PKHD1L1: variants seen among roughly 807,000 people sequenced by gnomAD.
PKHD1L1 encodes PKHD1 like 1, also known as fibrocystin-L.
A neutral mutation model predicts 462.9 loss-of-function variants in PKHD1L1; 434 were observed. That is an observed-to-expected ratio of 0.94 (90% CI 0.87 to 1.02). PKHD1L1 has a LOEUF of 1.02. Ranked by LOEUF, PKHD1L1 falls within the 50% of genes least tolerant of loss-of-function variation. The pLI is 0.00. For synonymous variants in PKHD1L1, 1,781 were observed against 1,750.0 expected, an observed-to-expected ratio of 1.02 and a Z score of -0.44; for missense variants, 5,202 against 5,096.1, an observed-to-expected ratio of 1.02 and a Z score of -0.63.
rs750142520 is a variant in PKHD1L1 at position 109,476,687 on chromosome 8, A to G, written c.8917+20A>G. 1.3e-6 allele frequency: 2 copies of G among 1,568,540 alleles called. No individual in the cohort carries two copies. Among genetic ancestry groups the G allele is most frequent in the Non-Finnish European group, 1.7e-6 (2 of 1,159,010 alleles). ...ACTTGGGTATGTGTCATTAGGCAGA[A>G]ATGATAGTTTATCTAATGCTTTGTC... On this transcript the variant is annotated intron_variant, in intron 52 of 77. Transcript: ENST00000378402.
Position 109,464,285 on chromosome 8 carries a change from C to T in PKHD1L1, c.7453C>T (p.Gln2485Ter). ...PIHWHLLGDL[Q>*]FKSYVRGCAI... ...ACATTGGCACCTGCTTGGAGACTTA[C>T]AGTTTAAATCTTATGTAAGAGGCTG... The change falls in exon 49 of 78, where the codon CAG (glutamine) becomes TAG (stop). Residue 2485 changes from glutamine to a stop codon, truncating the protein, a stop_gained. Transcript: ENST00000378402. LOFTEE classifies it high-confidence loss of function. The T allele has an allele frequency of 1.2e-6, 2 of 1,612,690 alleles. No homozygotes were observed. Among genetic ancestry groups the T allele is most frequent in the Non-Finnish European group, 1.7e-6 (2 of 1,179,202 alleles).
intron 10 of PKHD1L1, among the ~76,000 whole-genome samples, chr8:109,395,356 A>G (rs939468461): frequency 2.0e-5 from 3 of 152,218 alleles, no homozygotes; most frequent in Admixed American, 6.5e-5. Flanking sequence ...ATTCCCGGTC[A>G]GGAATAATGG....
At chr8:109,434,761 GCCTGCC>G (rs1815304600) in intron 28 of PKHD1L1, among the ~76,000 whole-genome samples, 1 of 152,116 alleles carries the variant, frequency 6.6e-6, no homozygotes. Flanking sequence ...GAGCCACCGC[GCCTGCC>G]CTTCATTTAG....
At chr8:109,523,495 A>G in intron 76 of PKHD1L1, 109 bp downstream of exon 76, 1 of 1,073,488 alleles carries the variant, frequency 9.3e-7, no homozygotes, top group Non-Finnish European at 1.3e-6. Flanking sequence ...TAAATTATAG[A>G]CATCAGAATG....
In PKHD1L1 at chr8:109,464,640, A is replaced by G. The variant is rs1817325029; in HGVS notation, c.7808A>G (p.Gln2603Arg). The change falls in exon 49 of 78, where the codon CAA becomes CGA. Residue 2603 changes from glutamine to arginine, a missense_variant. This residue lies in a region of PKHD1L1 where 4,497 missense variants were observed against 4,336.8 expected (regional missense o/e 1.04). Coordinates refer to ENST00000378402, the MANE Select transcript of PKHD1L1 (RefSeq NM_177531.6). ...CCATCCTATGACAGAAACATTTGTC[A>G]AAAAAGAGTTCCCCTTGGCGAATTT... The part of the protein sequence containing the change: ...DGPSYDRNIC[Q>R]KRVPLGEFFN... 2 of 1,612,516 alleles carry G rather than the reference A, an allele frequency of 1.2e-6. No individual in the cohort carries two copies. Among genetic ancestry groups the G allele is most frequent in the Admixed American group, 1.7e-5 (1 of 59,948 alleles).
At position 109,481,435 on chromosome 8, in the gene PKHD1L1, A is replaced by G. The variant is rs975552186; in HGVS notation, c.9330A>G (p.Gly3110=). The G allele has an allele frequency of 1.3e-6, 2 of 1,591,504 alleles. No homozygotes were observed. Among genetic ancestry groups the G allele is most frequent in the Non-Finnish European group, 1.7e-6 (2 of 1,169,066 alleles). The change falls in exon 56 of 78, where the codon GGA becomes GGG. Residue 3110 remains glycine (G), a splice_region_variant and synonymous_variant. Coordinates refer to ENST00000378402, the MANE Select transcript of PKHD1L1 (RefSeq NM_177531.6). ...AACAATTTTCTGCTTCATTTCAGGG[A>G]GGTAGATTAATCGGTGGCTGGGAAG... ...VLNATYISLQ[G]GRLIGGWEDN...
chr8:109,513,595 G>C (rs1820114636), intron 71 of PKHD1L1, among the ~76,000 whole-genome samples: 1 of 152,118 alleles, frequency 6.6e-6, no homozygotes, highest in South Asian at 2.1e-4. Flanking sequence ...AGACTTTAAA[G>C]TCCCAGGGTG....
At position 109,443,920 on chromosome 8, in the gene PKHD1L1, T is replaced by C. The variant is rs371869283; in HGVS notation, c.4791+18T>C. ...CTAATAAGGTAAGAATATAAATACCTCCTTTGTACTTCTATTATATGTTCC... is the reference window on the plus strand; with the variant it reads ...CTAATAAGGTAAGAATATAAATACCCCCTTTGTACTTCTATTATATGTTCC... On this transcript the variant is annotated intron_variant, in intron 37 of 77. Transcript: ENST00000378402. 6.5e-7 allele frequency: 1 copy of C among 1,533,760 alleles called. No homozygotes were observed. Among genetic ancestry groups the C allele is most frequent in the South Asian group, 1.2e-5 (1 of 86,844 alleles).
intron 38 of PKHD1L1, 22 bp from the exon 39 acceptor site, chr8:109,448,121 G>A (rs1453095249): frequency 2.0e-5 from 30 of 1,531,328 alleles, no homozygotes; most frequent in Non-Finnish European, 2.5e-5. Flanking sequence ...TATTTATATT[G>A]TGTGCTTTTT....
At chr8:109,433,015 G>C in intron 27 of PKHD1L1, 91 bp from the exon 28 acceptor site, 2 of 935,400 alleles carry the variant, frequency 2.1e-6, no homozygotes, top group Non-Finnish European at 3.3e-6. Flanking sequence ...TTTGAAGATA[G>C]ACTTATTTTT....
At chr8:109,370,855 T>C (rs892377716) in intron 2 of PKHD1L1, among the ~76,000 whole-genome samples, 2 of 152,236 alleles carry the variant, frequency 1.3e-5, no homozygotes, top group Admixed American at 6.5e-5. Flanking sequence ...TTTTTATGGC[T>C]GCATAGTATT....
At position 109,427,121 on chromosome 8, in the gene PKHD1L1, T is replaced by C. The variant is rs752085441; in HGVS notation, c.2965T>C (p.Trp989Arg). The C allele has an allele frequency of 1.2e-6, 2 of 1,613,970 alleles. No individual in the cohort carries two copies. The highest frequency in any genetic ancestry group is 3.3e-5 in the Admixed American group (2 of 60,022). Residue 989 changes from tryptophan to arginine, a missense_variant, in exon 25 of 78, where the codon TGG (tryptophan) becomes CGG (arginine). Trp to Arg is a moderately radical substitution (Grantham distance 101). This residue lies in a region of PKHD1L1 where 4,497 missense variants were observed against 4,336.8 expected (regional missense o/e 1.04). Coordinates refer to ENST00000378402, the MANE Select transcript of PKHD1L1 (RefSeq NM_177531.6). ...TCAGYAWNIKWRSTCGKQNLL... is the reference protein window; with the variant it reads ...TCAGYAWNIKRRSTCGKQNLL... ...TGCTGGCTACGCGTGGAACATCAAA[T>C]GGAGAAGCACCTGCGGAAAGCAGAA...
At chr8:109,471,089 T>C (rs918675699) in intron 50 of PKHD1L1, 1 of 1,537,108 alleles carries the variant, frequency 6.5e-7, no homozygotes, top group African/African-American at 1.4e-5. Context: ...TCATCAAACA[T>C]ACAGCAGCAT....
Position 109,412,372 on chromosome 8 carries a change from C to T in PKHD1L1, c.2193C>T (p.Asn731=). 1 of 1,613,550 alleles carries T rather than the reference C, an allele frequency of 6.2e-7. No homozygotes were observed. Among genetic ancestry groups the T allele is most frequent in the African/African-American group, 1.3e-5 (1 of 75,046 alleles). Residue 731 remains asparagine (N), a synonymous_variant, in exon 20 of 78, where the codon AAC becomes AAT. Coordinates refer to ENST00000378402, the MANE Select transcript of PKHD1L1 (RefSeq NM_177531.6). The part of the protein sequence containing the change: ...VLFDSADVKP[N]RRPYGDILLF... The stretch of plus-strand genomic sequence containing the variant: ...TTGACTCAGCAGATGTTAAACCAAA[C>T]AGACGACCATATGGAGATATTTTAT...
chr8:109,380,838 A>G (rs1267457578), intron 2 of PKHD1L1, among the ~76,000 whole-genome samples: 4 of 152,244 alleles, frequency 2.6e-5, no homozygotes. Flanking sequence ...AGAAACTTGA[A>G]ACAAAGACCT....
intron 63 of PKHD1L1, 21 bp downstream of exon 63, chr8:109,493,772 A>T: frequency 6.6e-7 from 1 of 1,515,910 alleles, no homozygotes; most frequent in African/African-American, 1.4e-5. Flanking sequence ...TAAACCAGGA[A>T]TCGCTAAAAC....
At position 109,441,394 on chromosome 8, in the gene PKHD1L1, T is replaced by C; in HGVS notation, c.4204+15T>C. ...GAAAGATTCAGGTATCAGCCATTTA[T>C]ATACTATGAAATAATGGAAGCACTG... On this transcript the variant is annotated intron_variant, in intron 34 of 77. Transcript: ENST00000378402. The C allele has an allele frequency of 7.1e-7, 1 of 1,406,570 alleles. No homozygotes were observed. The highest frequency in any genetic ancestry group is 2.3e-5 in the East Asian group (1 of 43,010). 87.1% of individuals were successfully genotyped at this position (1,406,570 alleles called of 1,614,324 possible).
intron 28 of PKHD1L1, among the ~76,000 whole-genome samples, chr8:109,434,524 C>T (rs1206262935): frequency 3.3e-5 from 5 of 151,702 alleles, no homozygotes; most frequent in African/African-American, 7.3e-5. Flanking sequence ...GCTGGAGTAC[C>T]GTGGCATGAT....
rs1563578 is a variant in PKHD1L1, at chr8:109,522,283, G to A, written c.12129G>A (p.Ser4043=). 299,983 of 1,604,552 alleles carry A rather than the reference G, an allele frequency of 0.19. 32,362 individuals are homozygous for A. The highest frequency in any genetic ancestry group is 0.41 in the Admixed American group (24,101 of 59,196). The part of the protein sequence containing the change: ...NISSILGFNI[S]SMSITNPLPS... ...GTAGTATCCTTGGATTTAACATTTC[G>A]TCCATGTCTATTACTAATCCCCTCC... is the stretch of plus-strand genomic sequence containing the variant. The change falls in exon 74 of 78, where the codon TCG becomes TCA. Residue 4043 remains serine (S), a synonymous_variant. Transcript: ENST00000378402.
Sources: gnomAD v4.1 joint callset for allele counts (sites outside exome capture counted in the v4.1 genomes callset) on GRCh38, gnomAD v4.1.1 for gene constraint, gnomAD v4.1.1 regional missense constraint, MANE v1.5 for transcripts, NCBI Gene and HGNC (gene_info 2026-07-23, HGNC 2026-07-21) for gene names.